PTPRD: variants seen among roughly 807,000 people sequenced by gnomAD.
PTPRD encodes receptor-type tyrosine-protein phosphatase delta.
Under a neutral mutation model 214.5 loss-of-function variants are expected in PTPRD, and 34 were observed. The ratio of observed to expected loss-of-function variants is 0.16; its 90% confidence interval spans 0.12 to 0.21. The LOEUF (loss-of-function observed/expected upper bound fraction) is 0.21. Ranked by LOEUF, PTPRD falls within the 10% of genes least tolerant of loss-of-function variation. PTPRD has a pLI of 1.00. For missense variants in PTPRD, 2,545 were observed against 2,398.7 expected, an observed-to-expected ratio of 1.06 and a Z score of -1.27; for synonymous variants, 1,128 against 845.7, an observed-to-expected ratio of 1.33 and a Z score of -5.79.
rs368463585 is a variant in PTPRD at position 10,160,882 on chromosome 9, G to A, written c.-544-127092C>T. ...TAAATTCAGTACAGTTGGAAGATAC[G>A]GAATCAACATCCAAAAATCAGTAGC... On this transcript the variant is annotated intron_variant, in intron 3 of 45. Transcript: ENST00000381196. Among the ~76,000 whole-genome samples, 9 of 151,876 alleles carry A rather than the reference G, an allele frequency of 5.9e-5. No individual in the cohort carries two copies. The East Asian group carries it at 1.4e-3, about 23-fold the overall frequency.
At position 9,964,493 on chromosome 9, in the gene PTPRD, C is replaced by T. The variant is rs181922637; in HGVS notation, c.-471-25883G>A. On this transcript the variant is annotated intron_variant, in intron 4 of 45. Coordinates refer to ENST00000381196, the MANE Select transcript of PTPRD (RefSeq NM_002839.4). The stretch of plus-strand genomic sequence containing the variant: ...GCTTAGCAGGATAGGACAATAGTTT[C>T]CTTCGCAGGAAAAAAGCAGAAAATT... 2.6e-3 allele frequency among the ~76,000 whole-genome samples: 390 copies of T among 152,186 alleles called. 1 individual carries two copies. Among genetic ancestry groups the T allele is most frequent in the African/African-American group, 8.9e-3 (368 of 41,516 alleles).
intron 11 of PTPRD, among the ~76,000 whole-genome samples, chr9:8,872,991 A>G (rs930246): frequency 0.28 from 43,019 of 152,136 alleles, 6,617 homozygotes; most frequent in Non-Finnish European, 0.34. Flanking sequence ...TGAAGTGAGA[A>G]TTATTTTATG....
chr9:9,067,487 T>C (rs1249282106), intron 10 of PTPRD, among the ~76,000 whole-genome samples: 1 of 152,200 alleles, frequency 6.6e-6, no homozygotes, highest in Admixed American at 6.6e-5. Flanking sequence ...TTGTGAGCTC[T>C]ATTCAAGTGT....
chr9:8,527,176 T>C (rs2074393009), intron 16 of PTPRD, among the ~76,000 whole-genome samples, 169 bp downstream of exon 16: 1 of 152,018 alleles, frequency 6.6e-6, no homozygotes, highest in Non-Finnish European at 1.5e-5. Context: ...CTGCACAGTG[T>C]TCTTACGATA....
chr9:9,778,401 G>A (rs1321272139), intron 5 of PTPRD, among the ~76,000 whole-genome samples: 1 of 152,200 alleles, frequency 6.6e-6, no homozygotes, highest in Non-Finnish European at 1.5e-5. Context: ...CAGGCCTTCA[G>A]GTGGTGTGTA....
intron 11 of PTPRD, among the ~76,000 whole-genome samples, chr9:8,972,016 A>G (rs1442364452): frequency 1.3e-5 from 2 of 151,828 alleles, no homozygotes. Context: ...AATTATTTAA[A>G]ATAGCATACA....
At chr9:8,841,565 T>C (rs571193239) in intron 11 of PTPRD, among the ~76,000 whole-genome samples, 1 of 152,290 alleles carries the variant, frequency 6.6e-6, no homozygotes, top group East Asian at 1.9e-4. Context: ...ACAGAGATCT[T>C]TTGTTAAAGC....
chr9:8,587,966 C>G (rs1339691566), intron 14 of PTPRD, among the ~76,000 whole-genome samples: 4 of 152,206 alleles, frequency 2.6e-5, no homozygotes, highest in Admixed American at 2.6e-4. Flanking sequence ...GCATCTCAGG[C>G]TAAGAAGCCA....
chr9:9,815,239 ATGAGAG>A (rs1255310952), intron 5 of PTPRD, among the ~76,000 whole-genome samples: 2 of 152,164 alleles, frequency 1.3e-5, no homozygotes, highest in African/African-American at 4.8e-5. Flanking sequence ...CTAATCTTTG[ATGAGAG>A]TGCCAAGGAT....
intron 5 of PTPRD, among the ~76,000 whole-genome samples, chr9:9,915,531 G>C (rs367967499): frequency 6.6e-6 from 1 of 151,042 alleles, no homozygotes; most frequent in African/African-American, 2.4e-5. Flanking sequence ...TAAAGAGATA[G>C]ATATCATTAA....
rs796936322 is a variant in PTPRD, at chr9:8,321,526, TAA to T, written c.5535-1562_5535-1561del. Among the ~76,000 whole-genome samples the T allele has an allele frequency of 6.3e-3, 726 of 115,722 alleles. 5 individuals are homozygous for T. Among genetic ancestry groups the T allele is most frequent in the South Asian group, 0.025 (79 of 3,156 alleles). The allele number at this position is 115,722 out of a possible 152,430, so 75.9% of individuals were successfully genotyped here. A position where few individuals can be genotyped will look rare whatever the true frequency, so the allele number is the denominator to read the frequency against. On this transcript the variant is annotated intron_variant, in intron 44 of 45. Coordinates refer to ENST00000381196, the MANE Select transcript of PTPRD (RefSeq NM_002839.4). ...ATATATATATATATATATATATATA[TAA>T]AAGGTATATGCATCGCAATTCCTTT...
Position 8,705,192 on chromosome 9 carries a change from T to C in PTPRD, c.64+28588A>G, listed in dbSNP as rs2098178431. 2.6e-5 allele frequency among the ~76,000 whole-genome samples: 4 copies of C among 152,246 alleles called. No homozygotes were observed. In the South Asian group the frequency reaches 8.3e-4, roughly 32 times the overall value. ...AAAAATGTATTATTCCCTTAATGAG[T>C]ATGATCACTTTCCTAAATTTTTGTT... On this transcript the variant is annotated intron_variant, in intron 12 of 45. Transcript: ENST00000381196.
chr9:8,824,624 A>G (rs530210493), intron 11 of PTPRD, among the ~76,000 whole-genome samples: 1 of 152,350 alleles, frequency 6.6e-6, no homozygotes, highest in South Asian at 2.1e-4. Flanking sequence ...AAACTAAATT[A>G]GAAGGCTTTT....
At chr9:9,846,295 A>C (rs1265369724) in intron 5 of PTPRD, among the ~76,000 whole-genome samples, 1 of 152,040 alleles carries the variant, frequency 6.6e-6, no homozygotes, top group African/African-American at 2.4e-5. Flanking sequence ...TCCCAATCAA[A>C]ATTACTTGTC....
chr9:8,511,218 G>C (rs1310359409), intron 21 of PTPRD, among the ~76,000 whole-genome samples: 1 of 152,022 alleles, frequency 6.6e-6, no homozygotes, highest in Non-Finnish European at 1.5e-5. Context: ...ACAGGTGTGT[G>C]CCATAACACC....
At chr9:10,604,010 T>A (rs2078628660) in intron 2 of PTPRD, among the ~76,000 whole-genome samples, 1 of 151,808 alleles carries the variant, frequency 6.6e-6, no homozygotes, top group Admixed American at 6.6e-5. Context: ...CTTTAATTGT[T>A]CATAAGGCCA....
In PTPRD at chr9:10,338,535, C is replaced by T. The variant is rs563250861; in HGVS notation, c.-545+2428G>A. Among the ~76,000 whole-genome samples the T allele has an allele frequency of 2.1e-3, 313 of 151,816 alleles. 3 individuals carry two copies. The highest frequency in any genetic ancestry group is 7.3e-3 in the African/African-American group (303 of 41,502). On this transcript the variant is annotated intron_variant, in intron 3 of 45. Coordinates refer to ENST00000381196, the MANE Select transcript of PTPRD (RefSeq NM_002839.4). ...ACCCCACAAGGTTGGCCTATTTTGA[C>T]TTTTATCACATCTATAGATAAAGGT...
intron 10 of PTPRD, among the ~76,000 whole-genome samples, chr9:9,159,281 A>G (rs2099884212): frequency 6.6e-6 from 1 of 152,174 alleles, no homozygotes; most frequent in South Asian, 2.1e-4. Flanking sequence ...TGAAGAATAG[A>G]AAAAATAGAG....
At position 10,098,303 on chromosome 9, in the gene PTPRD, T is replaced by C. The variant is rs1038446869; in HGVS notation, c.-544-64513A>G. On this transcript the variant is annotated intron_variant, in intron 3 of 45. Coordinates refer to ENST00000381196, the MANE Select transcript of PTPRD (RefSeq NM_002839.4). ...GTGGGAATTGAACAATGAGAACACA[T>C]GGACACAGGAAGGGGAACATCACAC... Among the ~76,000 whole-genome samples, 7 of 122,240 alleles carry C rather than the reference T, an allele frequency of 5.7e-5. No individual in the cohort carries two copies. In the Admixed American group the frequency reaches 7.9e-4, roughly 14 times the overall value. The allele number at this position is 122,240 out of a possible 152,430, so 80.2% of individuals were successfully genotyped here.
Sources: gnomAD v4.1 joint callset for allele counts (sites outside exome capture counted in the v4.1 genomes callset) on GRCh38, gnomAD v4.1.1 for gene constraint, MANE v1.5 for transcripts, NCBI Gene and HGNC (gene_info 2026-07-23, HGNC 2026-07-21) for gene names.